Variants in FRY observed in about 807,000 individuals in gnomAD.
The protein encoded by FRY is FRY microtubule binding protein.
FRY carries 128 observed loss-of-function variants against 348.4 expected under a neutral mutation model. The observed-to-expected ratio is 0.37, with a 90% CI of 0.32 to 0.43. FRY has a LOEUF of 0.43. Among genes scored for constraint, FRY ranks in the 20% least tolerant of loss-of-function variants. FRY has a pLI of 1.00. For missense variants in FRY, 2,736 were observed against 3,695.2 expected, an observed-to-expected ratio of 0.74 and a Z score of 6.73; for synonymous variants, 1,370 against 1,374.7, an observed-to-expected ratio of 1.00 and a Z score of 0.08.
intron 3 of FRY, among the ~76,000 whole-genome samples, chr13:32,109,522 A>G (rs945907083): frequency 6.6e-6 from 1 of 152,170 alleles, no homozygotes; most frequent in Non-Finnish European, 1.5e-5. Context: ...ATCCAGATGA[A>G]CAAATTGGGC....
At chr13:32,269,822 G>A (rs1888117111) in intron 55 of FRY, among the ~76,000 whole-genome samples, 1 of 152,188 alleles carries the variant, frequency 6.6e-6, no homozygotes. Context: ...ACATAAAAGT[G>A]AACTCTGCTT....
Position 32,266,692 on chromosome 13 carries a change from C to T in FRY, c.7947-478C>T, listed in dbSNP as rs902511689. 2.6e-5 allele frequency among the ~76,000 whole-genome samples: 4 copies of T among 152,100 alleles called. 1 individual carries two copies. The highest frequency in any genetic ancestry group is 3.9e-4 in the East Asian group (2 of 5,186). On this transcript the variant is annotated intron_variant, in intron 54 of 60. Transcript: ENST00000542859. The stretch of plus-strand genomic sequence containing the variant: ...TCTTTCCTCGAATCGTGAAAGAATC[C>T]GTGACCTCTTGCCAGGTGCGGTGGC...
chr13:32,242,881 A>G (rs1346190448), intron 46 of FRY, among the ~76,000 whole-genome samples: 1 of 152,198 alleles, frequency 6.6e-6, no homozygotes, highest in African/African-American at 2.4e-5. Flanking sequence ...TAATTTCAAC[A>G]TTTAGTTGGA....
At chr13:32,204,723 T>C (rs1014513112) in intron 31 of FRY, among the ~76,000 whole-genome samples, 1 of 152,236 alleles carries the variant, frequency 6.6e-6, no homozygotes, top group Non-Finnish European at 1.5e-5. Flanking sequence ...CCAGAAACAG[T>C]GGAGAGACCC....
intron 58 of FRY, among the ~76,000 whole-genome samples, chr13:32,281,190 A>G (rs1238083474): frequency 1.3e-5 from 2 of 152,252 alleles, no homozygotes; most frequent in African/African-American, 4.8e-5. Flanking sequence ...TTGAGAGTAC[A>G]AAAGTAGAAA....
chr13:32,237,935 C>G lies in FRY; in HGVS notation c.6367C>G (p.Leu2123Val), dbSNP rs778777455. Residue 2123 changes from leucine (L) to valine (V), a missense_variant, in exon 44 of 61, where the codon CTG (leucine) becomes GTG (valine). Physicochemically the swap from Leu to Val is conservative, Grantham distance 32. Coordinates refer to ENST00000542859, the MANE Select transcript of FRY (RefSeq NM_023037.3). The surrounding 1 kb of genome is among the most constrained non-coding windows in gnomAD (Gnocchi z 6.3). ...AGACCTGACCCTGCAGCTCTTCAGT[C>G]TGCTGACACCAGTGTCCAAAATATC... ...TTDLTLQLFS[L>V]LTPVSKISMV... 1.9e-5 allele frequency: 31 copies of G among 1,614,150 alleles called. No homozygotes were observed. Among genetic ancestry groups the G allele is most frequent in the Non-Finnish European group, 2.5e-5 (30 of 1,180,016 alleles).
At chr13:32,052,850 A>T (rs1053475917) in intron 1 of FRY, among the ~76,000 whole-genome samples, 3 of 152,154 alleles carry the variant, frequency 2.0e-5, no homozygotes, top group African/African-American at 7.3e-5. Flanking sequence ...ACGATGGCTA[A>T]TGCCTGTAAT....
chr13:32,137,612 A>C (rs1879802706), intron 11 of FRY, among the ~76,000 whole-genome samples: 1 of 152,236 alleles, frequency 6.6e-6, no homozygotes, highest in Non-Finnish European at 1.5e-5. Context: ...TATAACTTAA[A>C]AGTGGTGAAC....
chr13:32,090,119 C>T (rs571261473), intron 2 of FRY, among the ~76,000 whole-genome samples: 73 of 151,986 alleles, frequency 4.8e-4, no homozygotes, highest in Non-Finnish European at 8.2e-4. Context: ...GAGGCCGAGG[C>T]GGGTGGATCA....
At chr13:32,208,828 T>C (rs750303960) in intron 31 of FRY, 25 bp from the exon 32 acceptor site, 1 of 1,613,880 alleles carries the variant, frequency 6.2e-7, no homozygotes, top group Non-Finnish European at 8.5e-7. Context: ...TATGGATGAC[T>C]CTCTGTCACT....
At chr13:32,177,191 A>T (rs1418207618) in intron 20 of FRY, among the ~76,000 whole-genome samples, 1 of 152,232 alleles carries the variant, frequency 6.6e-6, no homozygotes, top group East Asian at 1.9e-4. Flanking sequence ...ATCTAGACTT[A>T]AAAGAGAACA....
intron 5 of FRY, 85 bp downstream of exon 5, chr13:32,124,461 T>A: frequency 1.1e-6 from 1 of 915,806 alleles, no homozygotes; most frequent in Non-Finnish European, 1.7e-6. Context: ...GTTTTTAAAA[T>A]TATTTCTGAA....
chr13:32,167,684 A>G (rs1881816440), intron 17 of FRY, among the ~76,000 whole-genome samples: 1 of 152,248 alleles, frequency 6.6e-6, no homozygotes, highest in Non-Finnish European at 1.5e-5. Context: ...ACATTTATGT[A>G]GTGTCTGCAA....
chr13:32,289,319 G>T, intron 58 of FRY, among the ~76,000 whole-genome samples: 1 of 152,148 alleles, frequency 6.6e-6, no homozygotes, highest in East Asian at 1.9e-4. Flanking sequence ...TAAAAATGAA[G>T]ACAACCACTC....
intron 54 of FRY, among the ~76,000 whole-genome samples, chr13:32,266,162 G>C (rs1010835481): frequency 6.6e-5 from 10 of 152,228 alleles, no homozygotes; most frequent in African/African-American, 2.4e-4. Context: ...ATCTACTTCA[G>C]GAAAAGAAAG....
At chr13:32,152,949 T>C (rs191912315) in intron 14 of FRY, among the ~76,000 whole-genome samples, 22 of 152,170 alleles carry the variant, frequency 1.4e-4, no homozygotes, top group Admixed American at 1.2e-3. Flanking sequence ...GGCAGAAGGA[T>C]CAGCATCTTC....
chr13:32,131,852 G>A lies in FRY; in HGVS notation c.885+12G>A. 1 of 1,608,128 alleles carries A rather than the reference G, an allele frequency of 6.2e-7. No homozygotes were observed. Among genetic ancestry groups the A allele is most frequent in the Non-Finnish European group, 8.5e-7 (1 of 1,174,580 alleles). On this transcript the variant is annotated intron_variant, in intron 8 of 60. Transcript: ENST00000542859. The stretch of plus-strand genomic sequence containing the variant: ...TTCAGTTTATGCAGGTAATGTCTTA[G>A]GCAGGAGAGCTAAGGTGCTCTCAAC...
intron 18 of FRY, 34 bp from the exon 19 acceptor site, chr13:32,173,333 C>T: frequency 6.5e-7 from 1 of 1,543,316 alleles, no homozygotes. Flanking sequence ...TGTTATTTCG[C>T]TGAATACAGA....
At chr13:32,247,188 T>C in intron 47 of FRY, 135 bp from the exon 48 acceptor site, 2 of 699,502 alleles carry the variant, frequency 2.9e-6, no homozygotes, top group South Asian at 3.4e-5. Context: ...GCCTTTTACT[T>C]CTCATGGAAC....
Sources: gnomAD v4.1 joint callset for allele counts (sites outside exome capture counted in the v4.1 genomes callset) on GRCh38, gnomAD v4.1.1 for gene constraint, Gnocchi (gnomAD v3.1) non-coding constraint, MANE v1.5 for transcripts, NCBI Gene and HGNC (gene_info 2026-07-23, HGNC 2026-07-21) for gene names.